Variants in UBE4B observed in about 807,000 individuals in gnomAD.
UBE4B encodes ubiquitination factor E4B, also known as ubiquitin conjugation factor E4 B.
In UBE4B, 27 loss-of-function variants were observed where a neutral mutation model predicts 148.1. The observed-to-expected ratio is 0.18, with a 90% confidence interval of 0.13 to 0.25. UBE4B has a LOEUF of 0.25. Ranked by LOEUF, UBE4B falls within the 10% of genes least tolerant of loss-of-function variation. UBE4B has a pLI of 1.00. For missense variants in UBE4B, 1,170 were observed against 1,662.4 expected, an observed-to-expected ratio of 0.70 and a Z score of 5.15; for synonymous variants, 596 against 619.3, an observed-to-expected ratio of 0.96 and a Z score of 0.56.
chr1:10,092,423 C>T (rs1004697351), intron 2 of UBE4B, among the ~76,000 whole-genome samples: 3 of 151,972 alleles, frequency 2.0e-5, no homozygotes, highest in African/African-American at 4.8e-5. Context: ...CAGAGTTTCA[C>T]CATATTGGCC....
At chr1:10,102,461 A>G (rs1004530462) in intron 4 of UBE4B, among the ~76,000 whole-genome samples, 68 of 113,720 alleles carry the variant, frequency 6.0e-4, no homozygotes, top group Admixed American at 3.4e-3. Flanking sequence ...CCCAGGCTGG[A>G]GTGCAATGGC....
chr1:10,172,374 G>A (rs1646351698), intron 25 of UBE4B, among the ~76,000 whole-genome samples: 2 of 152,188 alleles, frequency 1.3e-5, no homozygotes, highest in Admixed American at 1.3e-4. Context: ...ATCCTTTGAG[G>A]TAGGTTCTGT....
intron 15 of UBE4B, among the ~76,000 whole-genome samples, chr1:10,134,484 C>G (rs1036311946): frequency 6.6e-6 from 1 of 151,842 alleles, no homozygotes; most frequent in Non-Finnish European, 1.5e-5. Context: ...TGCATTCTAG[C>G]CTGGGCAACA....
Position 10,178,776 on chromosome 1 carries a change from C to T in UBE4B, c.3658C>T (p.Arg1220Cys), listed in dbSNP as rs754186357. 14 of 1,613,378 alleles carry T rather than the reference C, an allele frequency of 8.7e-6. No homozygotes were observed. Among genetic ancestry groups the T allele is most frequent in the Non-Finnish European group, 1.1e-5 (13 of 1,179,822 alleles). Residue 1220 changes from arginine (R) to cysteine (C), a missense_variant, in exon 26 of 28, where the codon CGC becomes TGC. Arg to Cys is a radical substitution (Grantham distance 180, BLOSUM62 -3). Around this residue, in one of 6 missense-constraint regions of UBE4B, gnomAD observed 348 missense variants for 627.2 expected, o/e 0.55. Transcript: ENST00000343090. ...GGAGGAGATAGTGGCCAAGAACGCA[C>T]GCGCAGAAATCGACTACAGCGACGC... ...KVEEIVAKNA[R>C]AEIDYSDAPD...
At chr1:10,101,324 C>G in intron 4 of UBE4B, 129 bp downstream of exon 4, 1 of 807,228 alleles carries the variant, frequency 1.2e-6, no homozygotes, top group Non-Finnish European at 1.9e-6. Flanking sequence ...TATTTTTATT[C>G]TTTTGAGGAA....
At chr1:10,076,736 C>G (rs1644589422) in intron 2 of UBE4B, among the ~76,000 whole-genome samples, 1 of 149,336 alleles carries the variant, frequency 6.7e-6, no homozygotes, top group Non-Finnish European at 1.5e-5. Flanking sequence ...ATCTGCAGTC[C>G]CAGCCTTTTT....
chr1:10,137,981 C>A (rs1394737215), intron 17 of UBE4B, among the ~76,000 whole-genome samples: 1 of 113,120 alleles, frequency 8.8e-6, no homozygotes, highest in Non-Finnish European at 1.6e-5. Context: ...GTTGCCCAGG[C>A]TGGAGTGCAG....
intron 2 of UBE4B, among the ~76,000 whole-genome samples, chr1:10,094,914 C>A (rs564180151): frequency 6.6e-6 from 1 of 152,192 alleles, no homozygotes; most frequent in South Asian, 2.1e-4. Context: ...CCTCAGCTTC[C>A]TGAGTAGCTG....
chr1:10,169,601 G>A (rs1359877653), intron 24 of UBE4B, among the ~76,000 whole-genome samples: 1 of 152,196 alleles, frequency 6.6e-6, no homozygotes, highest in African/African-American at 2.4e-5. Flanking sequence ...CTCCCTTCAA[G>A]GTTTGCAGAA....
At chr1:10,079,299 C>T (rs1277331846) in intron 2 of UBE4B, among the ~76,000 whole-genome samples, 1 of 152,148 alleles carries the variant, frequency 6.6e-6, no homozygotes, top group Admixed American at 6.6e-5. Flanking sequence ...GCTGGGATTA[C>T]AGGCATGCGC....
At chr1:10,153,220 T>A (rs1340019339) in intron 21 of UBE4B, among the ~76,000 whole-genome samples, 4 of 151,860 alleles carry the variant, frequency 2.6e-5, no homozygotes, top group Admixed American at 6.6e-5. Flanking sequence ...AAAGAGTGCA[T>A]GTGGGCTGGG....
chr1:10,170,440 G>C (rs1473207093), intron 24 of UBE4B, among the ~76,000 whole-genome samples: 1 of 152,118 alleles, frequency 6.6e-6, no homozygotes, highest in African/African-American at 2.4e-5. Context: ...CCCTTTTATG[G>C]CCAGTGTTTA....
chr1:10,159,298 TC>T (rs1460697312), intron 22 of UBE4B, among the ~76,000 whole-genome samples: 2 of 152,174 alleles, frequency 1.3e-5, no homozygotes, highest in African/African-American at 4.8e-5. Context: ...CATTAGTAAT[TC>T]CATCTAAATT....
At chr1:10,164,155 A>C (rs1646211474) in intron 23 of UBE4B, among the ~76,000 whole-genome samples, 1 of 152,070 alleles carries the variant, frequency 6.6e-6, no homozygotes. Flanking sequence ...AGCCTGGCCA[A>C]CATGGTGAAA....
Position 10,130,799 on chromosome 1 carries a change from T to C in UBE4B, c.1897T>C (p.Leu633=). The change falls in exon 14 of 28, where the codon TTA becomes CTA. Residue 633 remains leucine, a synonymous_variant. Transcript: ENST00000343090. ...RVVSQSLQHY[L]ELGRQELFKI... is the part of the protein sequence containing the mutation. ...GGTTAGCCAATCATTGCAGCATTAC[T>C]TAGAGCTCGGAAGGGTAAGTGTTCA... is the stretch of plus-strand genomic sequence containing the variant. 2 of 1,614,154 alleles carry C rather than the reference T, an allele frequency of 1.2e-6. No homozygotes were observed. Among genetic ancestry groups the C allele is most frequent in the South Asian group, 2.2e-5 (2 of 91,084 alleles).
chr1:10,180,762 GGACTTATGT>G lies in UBE4B; in HGVS notation c.*814_*822del, dbSNP rs1416013955. On this transcript the variant is annotated 3_prime_UTR_variant, in exon 28 of 28. Transcript: ENST00000343090. ...AAAATCTAGGGGTGTAAGTGTATCAGGACTTATGTGACTTATATTTTGGGGAGATGAGGG... is the reference window on the plus strand; with the variant it reads ...AAAATCTAGGGGTGTAAGTGTATCAGGACTTATATTTTGGGGAGATGAGGG... 1 of 152,070 alleles carries G rather than the reference GGACTTATGT, an allele frequency of 6.6e-6. No individual in the cohort carries two copies. Among genetic ancestry groups the G allele is most frequent in the Non-Finnish European group, 1.5e-5 (1 of 67,982 alleles). The allele number at this position is 152,070 out of a possible 1,614,324, so 9.4% of individuals were successfully genotyped here.
Position 10,072,069 on chromosome 1 carries a change from C to T in UBE4B, c.66C>T (p.Thr22=). Residue 22 remains threonine, a synonymous_variant, in exon 2 of 28, where the codon ACC becomes ACT. Coordinates refer to ENST00000343090, the MANE Select transcript of UBE4B (RefSeq NM_001105562.3). ...TTGCACGACTTGCTGGTGGACAGACCTCTCAGCCAACCACCCCACTCACCT... is the reference window on the plus strand; with the variant it reads ...TTGCACGACTTGCTGGTGGACAGACTTCTCAGCCAACCACCCCACTCACCT... ...RRLARLAGGQ[T]SQPTTPLTSP... is the part of the protein sequence containing the mutation. The T allele has an allele frequency of 3.1e-6, 5 of 1,611,684 alleles. No individual in the cohort carries two copies. The highest frequency in any genetic ancestry group is 4.2e-6 in the Non-Finnish European group (5 of 1,179,120).
chr1:10,117,737 A>G (rs983063452), intron 8 of UBE4B, 137 bp downstream of exon 8: 14 of 1,088,090 alleles, frequency 1.3e-5, no homozygotes, highest in Middle Eastern at 6.3e-4. Flanking sequence ...GCACAATACT[A>G]GGAACTTAGG....
At chr1:10,147,182 C>A in intron 19 of UBE4B, 92 bp downstream of exon 19, 4 of 1,569,110 alleles carry the variant, frequency 2.5e-6, no homozygotes, top group Non-Finnish European at 3.5e-6. Context: ...AAACCAAAAC[C>A]CTTTCTTTAT....
Sources: gnomAD v4.1 joint callset for allele counts (sites outside exome capture counted in the v4.1 genomes callset) on GRCh38, gnomAD v4.1.1 for gene constraint, gnomAD v4.1.1 regional missense constraint, MANE v1.5 for transcripts, NCBI Gene and HGNC (gene_info 2026-07-23, HGNC 2026-07-21) for gene names.